The following RSPH3 variants were observed in gnomAD, a reference collection of about 807,000 sequenced individuals.
The protein encoded by RSPH3 is radial spoke head protein 3 homolog.
A neutral mutation model predicts 43.8 loss-of-function variants in RSPH3; 21 were observed. That is an observed-to-expected ratio of 0.48 (90% confidence interval 0.34 to 0.69). The LOEUF is 0.69. RSPH3 is among the 30% of genes least tolerant of loss of function. The pLI, the probability that RSPH3 is intolerant of heterozygous loss-of-function variation, is 0.01. For missense variants in RSPH3, 487 were observed against 516.0 expected (o/e 0.94, Z 0.54); for synonymous variants, 173 against 179.8 (o/e 0.96, Z 0.30).
chr6:158,982,790 T>C, intron 4 of RSPH3, 102 bp from the exon 5 acceptor site: 1 of 763,010 alleles, frequency 1.3e-6, no homozygotes, highest in Non-Finnish European at 2.2e-6. Flanking sequence ...TTATTAAGTG[T>C]CTCCTGTGTG....
At position 158,977,648 on chromosome 6, in the gene RSPH3, A is replaced by G; in HGVS notation, c.1147T>C (p.Tyr383His). The G allele has an allele frequency of 6.2e-7, 1 of 1,614,002 alleles. No individual in the cohort carries two copies. Among genetic ancestry groups the G allele is most frequent in the African/African-American group, 1.3e-5 (1 of 74,964 alleles). Reference protein sequence around the residue: ...LDGGYLQRTTYDRRSSQERKF... With the variant: ...LDGGYLQRTTHDRRSSQERKF... Reference sequence around the variant, plus strand: ...CTTTCCTGGGATGACCTTCTGTCATATGTTGTTCTTTGTAGGTAGCCTCCA... The same window carrying G: ...CTTTCCTGGGATGACCTTCTGTCATGTGTTGTTCTTTGTAGGTAGCCTCCA... The change falls in exon 8 of 8, where the codon TAT becomes CAT. Residue 383 changes from tyrosine (Y) to histidine (H), a missense_variant. Physicochemically the swap from Tyr to His is moderately conservative, Grantham distance 83. Transcript: ENST00000367069.
Position 158,978,317 on chromosome 6 carries a change from T to C in RSPH3, c.889A>G (p.Met297Val), listed in dbSNP as rs1210312388. The change falls in exon 7 of 8, where the codon ATG becomes GTG. Residue 297 changes from methionine (M) to valine (V), a missense_variant. By Grantham distance (21) the Met-to-Val change is conservative. Coordinates refer to ENST00000367069, the MANE Select transcript of RSPH3 (RefSeq NM_031924.8). ...TCCATGGTTTTTTCAACTTCATTCATTAGCCATGGAAGAAATCCTATCTCA... is the reference window on the plus strand; with the variant it reads ...TCCATGGTTTTTTCAACTTCATTCACTAGCCATGGAAGAAATCCTATCTCA... ...DIEIGFLPWLMNEVEKTMEYS... is the reference protein window; with the variant it reads ...DIEIGFLPWLVNEVEKTMEYS... 6.4e-7 allele frequency: 1 copy of C among 1,554,128 alleles called. No homozygotes were observed. Among genetic ancestry groups the C allele is most frequent in the Non-Finnish European group, 8.9e-7 (1 of 1,127,714 alleles).
At chr6:158,997,310 C>G (rs139478527) in intron 1 of RSPH3, among the ~76,000 whole-genome samples, 1 of 131,038 alleles carries the variant, frequency 7.6e-6, no homozygotes, top group Non-Finnish European at 1.6e-5. Context: ...TTCGCTTTGT[C>G]GCCCAGGCTG....
At chr6:158,997,271 CT>C (rs35951023) in intron 1 of RSPH3, among the ~76,000 whole-genome samples, 91 of 129,052 alleles carry the variant, frequency 7.1e-4, no homozygotes, top group Non-Finnish European at 7.8e-4. Context: ...CTCCTGAACA[CT>C]TTTTTTTTTT....
Position 158,985,813 on chromosome 6 carries a change from TCTC to T in RSPH3, c.346+464_346+466del, listed in dbSNP as rs1325327804. 9.5e-4 allele frequency among the ~76,000 whole-genome samples: 139 copies of T among 146,770 alleles called. No homozygotes were observed. In the Middle Eastern group the frequency reaches 0.01, roughly 11 times the overall value. On this transcript the variant is annotated intron_variant, in intron 3 of 7. Transcript: ENST00000367069. ...GTCTATGTATTTCTCTCTCTCTCTCTCTCTTTTTTTTTTTTTTGAGATGGACTT... is the reference window on the plus strand; with the variant it reads ...GTCTATGTATTTCTCTCTCTCTCTCTTTTTTTTTTTTTTTGAGATGGACTT...
chr6:158,969,686 T>C (rs1351624574), downstream of RSPH3, among the ~76,000 whole-genome samples: 1 of 152,208 alleles, frequency 6.6e-6, no homozygotes, highest in Admixed American at 6.5e-5. Context: ...GCTTTGCTCA[T>C]TTTTCTTCAT....
chr6:158,993,654 A>G (rs1449761177), intron 2 of RSPH3, among the ~76,000 whole-genome samples, 185 bp downstream of exon 2: 1 of 151,946 alleles, frequency 6.6e-6, no homozygotes, highest in Non-Finnish European at 1.5e-5. Context: ...CTCATCCCCC[A>G]GCTCCTGGAA....
rs1583698490 is a variant in RSPH3, at chr6:158,976,596, C to A, written c.*942G>T. The stretch of plus-strand genomic sequence containing the variant: ...ATAGCTCATACCTGATAACAGTGAT[C>A]TACCTTTGAGGAGGGGAGTGAGACT... On this transcript the variant is annotated 3_prime_UTR_variant, in exon 8 of 8. Transcript: ENST00000367069. 6.6e-6 allele frequency: 1 copy of A among 152,202 alleles called. No individual in the cohort carries two copies. 9.4% of individuals were successfully genotyped at this position (152,202 alleles called of 1,614,324 possible). A position where few individuals can be genotyped will look rare whatever the true frequency, so the allele number is the denominator to read the frequency against.
At chr6:158,995,576 C>T (rs904563701) in intron 1 of RSPH3, among the ~76,000 whole-genome samples, 1 of 151,814 alleles carries the variant, frequency 6.6e-6, no homozygotes, top group African/African-American at 2.4e-5. Context: ...GACTCCTGTG[C>T]CTTCTTCTTT....
intron 2 of RSPH3, among the ~76,000 whole-genome samples, chr6:158,987,678 GTTGT>G (rs1377653483): frequency 6.6e-6 from 1 of 152,092 alleles, no homozygotes; most frequent in Non-Finnish European, 1.5e-5. Flanking sequence ...GATATAACAA[GTTGT>G]TTGCAGAGAT....
chr6:158,999,755 A>G lies in RSPH3; in HGVS notation c.-205T>C, dbSNP rs771147763. 1.2e-6 allele frequency: 2 copies of G among 1,610,862 alleles called. No homozygotes were observed. Among genetic ancestry groups the G allele is most frequent in the Non-Finnish European group, 1.7e-6 (2 of 1,177,618 alleles). On this transcript the variant is annotated 5_prime_UTR_variant, in exon 1 of 8. Coordinates refer to ENST00000367069, the MANE Select transcript of RSPH3 (RefSeq NM_031924.8). ...CTATACTGGGCTCGCTCCCAGCACC[A>G]CAGAGACCAGCTGCGGGGGCCGCAT...
At position 159,000,185 on chromosome 6, in the gene RSPH3, C is replaced by T. The variant is rs990597895; in HGVS notation, c.-635G>A. The stretch of plus-strand genomic sequence containing the variant: ...GGCAGCCAGGCTCCCAGCTCTGTTA[C>T]GTGCCCGGGCGGGGAAGAGCTTCCT... On this transcript the variant is annotated 5_prime_UTR_variant, in exon 1 of 8. Coordinates refer to ENST00000367069, the MANE Select transcript of RSPH3 (RefSeq NM_031924.8). 75 of 543,686 alleles carry T rather than the reference C, an allele frequency of 1.4e-4. No individual in the cohort carries two copies. Among genetic ancestry groups the T allele is most frequent in the Admixed American group, 8.4e-4 (22 of 26,248 alleles). The allele number at this position is 543,686 out of a possible 1,614,324, so 33.7% of individuals were successfully genotyped here.
intron 2 of RSPH3, among the ~76,000 whole-genome samples, chr6:158,992,049 TG>T (rs541580785): frequency 6.8e-6 from 1 of 146,390 alleles, no homozygotes; most frequent in Non-Finnish European, 1.5e-5. Flanking sequence ...TAATGAGCAC[TG>T]TTTTTTTTTT....
intron 2 of RSPH3, among the ~76,000 whole-genome samples, chr6:158,988,615 C>T (rs1562564287): frequency 6.6e-6 from 1 of 152,018 alleles, no homozygotes; most frequent in Non-Finnish European, 1.5e-5. Flanking sequence ...TTCAAATAGT[C>T]TGTCTTTGTC....
chr6:158,997,324 T>C (rs959852155), intron 1 of RSPH3, among the ~76,000 whole-genome samples: 2 of 143,924 alleles, frequency 1.4e-5, no homozygotes, highest in African/African-American at 5.3e-5. Context: ...CAGGCTGGAG[T>C]GCAGTGGCGT....
intron 3 of RSPH3, among the ~76,000 whole-genome samples, chr6:158,984,912 T>C (rs547934426): frequency 6.6e-6 from 1 of 152,336 alleles, no homozygotes; most frequent in South Asian, 2.1e-4. Context: ...CTTTGGTTAA[T>C]GACAGCCATA....
chr6:158,967,094 T>C, the RSPH3 span, among the ~76,000 whole-genome samples: 1 of 152,060 alleles, frequency 6.6e-6, no homozygotes. Flanking sequence ...ACTGTAGCCT[T>C]GAACTCCCTG....
chr6:158,977,211 C>G lies in RSPH3; in HGVS notation c.*327G>C, dbSNP rs945181776. ...TATTGAACATTAAATATCATACTTA[C>G]TAAAAAAAACTAACCCGCAAAATTA... On this transcript the variant is annotated 3_prime_UTR_variant, in exon 8 of 8. Transcript: ENST00000367069. The G allele has an allele frequency of 4.0e-6, 1 of 251,188 alleles. No individual in the cohort carries two copies. The highest frequency in any genetic ancestry group is 2.3e-5 in the African/African-American group (1 of 44,138). 15.6% of individuals were successfully genotyped at this position (251,188 alleles called of 1,614,324 possible). A position where few individuals can be genotyped will look rare whatever the true frequency, so the allele number is the denominator to read the frequency against.
intron 2 of RSPH3, among the ~76,000 whole-genome samples, chr6:158,991,703 C>A (rs1197598964): frequency 6.6e-6 from 1 of 152,212 alleles, no homozygotes; most frequent in Non-Finnish European, 1.5e-5. Context: ...CAGCTTCCTG[C>A]TCCACCCTTG....
Sources: allele counts gnomAD v4.1 joint callset (sites outside exome capture counted in the v4.1 genomes callset), GRCh38; gene constraint gnomAD v4.1.1; transcripts MANE v1.5; gene names NCBI Gene and HGNC (gene_info 2026-07-23, HGNC 2026-07-21).